IQCB1: variants seen among roughly 807,000 people sequenced by gnomAD.
IQCB1 encodes the protein IQ motif containing B1.
Under a neutral mutation model 84.4 loss-of-function variants are expected in IQCB1, and 56 were observed. That is an observed-to-expected ratio of 0.66 (90% CI 0.54 to 0.83). The LOEUF is 0.83. IQCB1 is among the 40% of genes least tolerant of loss of function. The probability of loss-of-function intolerance (pLI) is 0.00; values close to 1 mark genes in which losing one functional copy is unlikely to be tolerated. For missense variants in IQCB1, 629 were observed against 682.1 expected, an observed-to-expected ratio of 0.92 and a Z score of 0.87; for synonymous variants, 210 against 234.8, an observed-to-expected ratio of 0.89 and a Z score of 0.96.
At position 121,799,374 on chromosome 3, in the gene IQCB1, A is replaced by G. The variant is rs80015876; in HGVS notation, c.588T>C (p.Ser196=). 894 of 1,540,662 alleles carry G rather than the reference A, an allele frequency of 5.8e-4. 7 individuals carry two copies. The African/African-American group carries it at 9.3e-3, about 16-fold the overall frequency. The change falls in exon 8 of 15, where the codon AGT becomes AGC. Residue 196 remains serine (S), a splice_region_variant and synonymous_variant. Coordinates refer to ENST00000310864, the MANE Select transcript of IQCB1 (RefSeq NM_001023570.4). The stretch of plus-strand genomic sequence containing the variant: ...TTCTTCCTATTCTGAGTAAATCACC[A>G]CTAATAGAACAAAATAAAAAAAAAA... ...MMLQNILQIN[S]GDLLRIGRKA...
At chr3:121,822,758 G>A (rs1452514960) in intron 5 of IQCB1, among the ~76,000 whole-genome samples, 1 of 152,174 alleles carries the variant, frequency 6.6e-6, no homozygotes, top group Non-Finnish European at 1.5e-5. Context: ...TGGCAAAACT[G>A]AAGTAAACCT....
intron 10 of IQCB1, among the ~76,000 whole-genome samples, chr3:121,792,698 T>G (rs796465401): frequency 4.6e-5 from 7 of 151,938 alleles, no homozygotes; most frequent in African/African-American, 1.7e-4. Context: ...GATTTGGTGA[T>G]TTAAATAGGG....
At chr3:121,834,848 T>G (rs994888083) in intron 1 of IQCB1, 118 bp downstream of exon 1, 2 of 253,624 alleles carry the variant, frequency 7.9e-6, no homozygotes, top group Admixed American at 5.1e-5. Flanking sequence ...GGCAGGCCGA[T>G]TCTCCCGTTA....
At chr3:121,772,168 C>T (rs1486748127) in intron 14 of IQCB1, among the ~76,000 whole-genome samples, 3 of 151,924 alleles carry the variant, frequency 2.0e-5, no homozygotes, top group Non-Finnish European at 4.4e-5. Context: ...AGCAAGACTC[C>T]GTCTCAAAAT....
chr3:121,813,334 C>T (rs1343197229), intron 5 of IQCB1, among the ~76,000 whole-genome samples: 2 of 152,074 alleles, frequency 1.3e-5, no homozygotes, highest in Non-Finnish European at 2.9e-5. Context: ...AAATACAAAG[C>T]CCCATGACAC....
intron 5 of IQCB1, among the ~76,000 whole-genome samples, chr3:121,825,401 T>C (rs139502474): frequency 2.3e-3 from 355 of 152,234 alleles, no homozygotes; most frequent in Admixed American, 6.7e-3. Context: ...AGATAAAACA[T>C]ATGCGGAGGG....
chr3:121,800,116 T>C (rs1949347416), intron 7 of IQCB1, among the ~76,000 whole-genome samples: 1 of 151,946 alleles, frequency 6.6e-6, no homozygotes, highest in Non-Finnish European at 1.5e-5. Context: ...GCAATACAAA[T>C]GATTTCTGTC....
At chr3:121,830,317 A>G (rs1950594180) in intron 2 of IQCB1, among the ~76,000 whole-genome samples, 1 of 151,940 alleles carries the variant, frequency 6.6e-6, no homozygotes, top group African/African-American at 2.4e-5. Context: ...AACTTTCTCT[A>G]TGTAAAAAAA....
Position 121,799,224 on chromosome 3 carries a change from A to G in IQCB1, c.738T>C (p.Ile246=). 1.9e-6 allele frequency: 3 copies of G among 1,610,502 alleles called. No individual in the cohort carries two copies. Among genetic ancestry groups the G allele is most frequent in the Non-Finnish European group, 2.5e-6 (3 of 1,177,996 alleles). ...TGTAGCAGGTACTTTGTCTCAGTAA[A>G]ATCAAAATTTCCTGATGGGATTCAG... ...LMAESHQEIL[I]LLRQSTCYKG... The change falls in exon 8 of 15, where the codon ATT becomes ATC. Residue 246 remains isoleucine, a synonymous_variant. Transcript: ENST00000310864.
At chr3:121,796,020 GCTGT>G (rs147465124) in intron 9 of IQCB1, among the ~76,000 whole-genome samples, 4,315 of 152,176 alleles carry the variant, frequency 0.028, 85 homozygotes, top group Middle Eastern at 0.044. Flanking sequence ...AGGTCAGTGA[GCTGT>G]CTGAGTTCTT....
In IQCB1 at chr3:121,828,599, T is replaced by G; in HGVS notation, c.134A>C (p.Glu45Ala). The stretch of plus-strand genomic sequence containing the variant: ...TATATCTTGTTTGATTTTCTTCAAC[T>G]CTGAGCTTCCTAAAGGTGTGATGTT... ...IINITPLGSS[E>A]LKKIKQDIYC... The change falls in exon 4 of 15, where the codon GAG becomes GCG. Residue 45 changes from glutamate (E) to alanine (A), a missense_variant. Physicochemically the swap from Glu to Ala is moderately radical, Grantham distance 107 (BLOSUM62 -1). Coordinates refer to ENST00000310864, the MANE Select transcript of IQCB1 (RefSeq NM_001023570.4). The G allele has an allele frequency of 6.2e-7, 1 of 1,603,354 alleles. No individual in the cohort carries two copies. Among genetic ancestry groups the G allele is most frequent in the South Asian group, 1.1e-5 (1 of 90,836 alleles).
intron 7 of IQCB1, among the ~76,000 whole-genome samples, chr3:121,800,250 T>A (rs979886773): frequency 1.3e-5 from 2 of 151,992 alleles, no homozygotes; most frequent in African/African-American, 4.8e-5. Flanking sequence ...TCCATAAATC[T>A]ATTTTCCTCA....
chr3:121,801,471 C>A (rs1291062089), intron 7 of IQCB1, among the ~76,000 whole-genome samples: 1 of 152,042 alleles, frequency 6.6e-6, no homozygotes, highest in African/African-American at 2.4e-5. Flanking sequence ...AGTCTAATCA[C>A]CCAATACAGA....
chr3:121,792,003 T>C (rs1218215294), intron 10 of IQCB1, among the ~76,000 whole-genome samples: 1 of 151,676 alleles, frequency 6.6e-6, no homozygotes, highest in Non-Finnish European at 1.5e-5. Context: ...AGGCAGGAGC[T>C]TGAACCTGGG....
At chr3:121,829,953 T>G (rs1950576634) in intron 2 of IQCB1, among the ~76,000 whole-genome samples, 1 of 152,102 alleles carries the variant, frequency 6.6e-6, no homozygotes, top group African/African-American at 2.4e-5. Flanking sequence ...ACACCTATAA[T>G]CCCAGCACTT....
At chr3:121,783,289 A>G (rs1213613625) in intron 12 of IQCB1, among the ~76,000 whole-genome samples, 6 of 151,062 alleles carry the variant, frequency 4.0e-5, no homozygotes, top group African/African-American at 1.5e-4. Context: ...AGCTCCATCT[A>G]TTTTTCTGTG....
chr3:121,782,952 G>A (rs1948565550), intron 12 of IQCB1, among the ~76,000 whole-genome samples: 1 of 152,200 alleles, frequency 6.6e-6, no homozygotes, highest in Non-Finnish European at 1.5e-5. Context: ...TGGGATTACA[G>A]ACGTGAGCCA....
chr3:121,813,359 A>G (rs935054440), intron 5 of IQCB1, among the ~76,000 whole-genome samples: 1 of 152,250 alleles, frequency 6.6e-6, no homozygotes, highest in Non-Finnish European at 1.5e-5. Context: ...AAGAAACTGC[A>G]TCAACTAATG....
rs554762902 is a variant in IQCB1, at chr3:121,787,480, C to A, written c.1278+804G>T. Among the ~76,000 whole-genome samples the A allele has an allele frequency of 8.5e-5, 13 of 152,214 alleles. No homozygotes were observed. In the South Asian group the frequency reaches 2.5e-3, roughly 29 times the overall value. ...CTATTTAAGAATAAGAGGCCGGGAG[C>A]GGTGGCTCACGCCTGTAATCCCAGC... On this transcript the variant is annotated intron_variant, in intron 12 of 14. Coordinates refer to ENST00000310864, the MANE Select transcript of IQCB1 (RefSeq NM_001023570.4).
Sources: allele counts gnomAD v4.1 joint callset (sites outside exome capture counted in the v4.1 genomes callset), GRCh38; gene constraint gnomAD v4.1.1; transcripts MANE v1.5; gene names NCBI Gene and HGNC (gene_info 2026-07-23, HGNC 2026-07-21).